Variants in PTPRZ1 observed in about 807,000 individuals in gnomAD.
PTPRZ1 encodes protein tyrosine phosphatase receptor type Z1, also known as receptor-type tyrosine-protein phosphatase zeta.
In PTPRZ1, 82 loss-of-function variants were observed where a neutral mutation model predicts 214.1. The ratio of observed to expected loss-of-function variants is 0.38; its 90% CI spans 0.32 to 0.46. PTPRZ1 has a LOEUF of 0.46. Among genes scored for constraint, PTPRZ1 ranks in the 20% least tolerant of loss-of-function variants. The pLI, the probability that PTPRZ1 is intolerant of heterozygous loss-of-function variation, is 1.00. For missense variants in PTPRZ1, 2,603 were observed against 2,748.7 expected (o/e 0.95, Z 1.19); for synonymous variants, 945 against 987.9 (o/e 0.96, Z 0.81).
chr7:121,900,934 CT>C (rs770435890), intron 1 of PTPRZ1, among the ~76,000 whole-genome samples: 10 of 152,102 alleles, frequency 6.6e-5, no homozygotes, highest in Non-Finnish European at 1.3e-4. Context: ...CATAACAACC[CT>C]GTAAGACTTA....
chr7:121,998,800 C>T (rs920164651), intron 10 of PTPRZ1, among the ~76,000 whole-genome samples: 13 of 152,076 alleles, frequency 8.5e-5, no homozygotes, highest in East Asian at 3.9e-4. Flanking sequence ...TAAATACATA[C>T]GTAAATATAT....
chr7:121,932,420 T>C (rs960448134), intron 2 of PTPRZ1, among the ~76,000 whole-genome samples: 3 of 152,206 alleles, frequency 2.0e-5, no homozygotes, highest in African/African-American at 4.8e-5. Context: ...GTTAGTCTTA[T>C]CATTCTTAAA....
rs770249518 is a variant in PTPRZ1, at chr7:121,996,373, T to C, written c.929-9T>C. 14 of 1,580,446 alleles carry C rather than the reference T, an allele frequency of 8.9e-6. No homozygotes were observed. Among genetic ancestry groups the C allele is most frequent in the Non-Finnish European group, 1.2e-5 (14 of 1,162,572 alleles). ...TTCTATCAACAACTGTACTTTTTTC[T>C]CTCTGAAGTTTGTAGTTCAGAACCA... On this transcript the variant is annotated splice_polypyrimidine_tract_variant and intron_variant, in intron 8 of 29. Transcript: ENST00000393386.
At chr7:121,977,977 C>A (rs1314962604) in intron 6 of PTPRZ1, among the ~76,000 whole-genome samples, 9 of 152,276 alleles carry the variant, frequency 5.9e-5, no homozygotes, top group Admixed American at 5.9e-4. Flanking sequence ...GGGTTGTTAA[C>A]CCTGACTTGT....
chr7:121,914,177 A>C (rs1214414080), intron 1 of PTPRZ1, among the ~76,000 whole-genome samples: 1 of 152,140 alleles, frequency 6.6e-6, no homozygotes, highest in Non-Finnish European at 1.5e-5. Context: ...AAGAAACAGA[A>C]ACCAGACATT....
At chr7:121,982,456 T>C (rs1392910298) in intron 6 of PTPRZ1, among the ~76,000 whole-genome samples, 1 of 152,204 alleles carries the variant, frequency 6.6e-6, no homozygotes, top group Non-Finnish European at 1.5e-5. Flanking sequence ...ATTGAATCTA[T>C]GAATCAATTT....
At position 121,887,305 on chromosome 7, in the gene PTPRZ1, A is replaced by G. The variant is rs74430749; in HGVS notation, c.58+13748A>G. 7.7e-3 allele frequency among the ~76,000 whole-genome samples: 1,169 copies of G among 152,234 alleles called. 11 individuals are homozygous for G. Among genetic ancestry groups the G allele is most frequent in the South Asian group, 0.032 (153 of 4,826 alleles). On this transcript the variant is annotated intron_variant, in intron 1 of 29. Transcript: ENST00000393386. ...AAAGTGATCACTTGAAAAATAGAAA[A>G]TACAATCATTTCTGCCTAATCAAAT...
intron 6 of PTPRZ1, among the ~76,000 whole-genome samples, chr7:121,977,712 T>A (rs12112181): frequency 0.016 from 2,461 of 151,010 alleles, 82 homozygotes; most frequent in African/African-American, 0.056. Context: ...AGCTTTTATT[T>A]TTTTTTTTTT....
At position 122,038,875 on chromosome 7, in the gene PTPRZ1, G is replaced by T. The variant is rs150233853; in HGVS notation, c.5488G>T (p.Val1830Leu). The T allele has an allele frequency of 6.2e-7, 1 of 1,613,792 alleles. No individual in the cohort carries two copies. Residue 1830 changes from valine to leucine, a missense_variant, in exon 19 of 30, where the codon GTG (valine) becomes TTG (leucine). Coordinates refer to ENST00000393386, the MANE Select transcript of PTPRZ1 (RefSeq NM_002851.3). ...VEVIVMITNL[V>L]EKGRRKCDQY... ...AGTTATTGTCATGATAACAAACCTC[G>T]TGGAGAAAGGAAGGGTATGTAGATA...
chr7:122,013,775 G>C lies in PTPRZ1; in HGVS notation c.4729G>C (p.Asp1577His), dbSNP rs746159968. 3 of 1,614,128 alleles carry C rather than the reference G, an allele frequency of 1.9e-6. 1 individual carries two copies. The South Asian group carries it at 3.3e-5, about 18-fold the overall frequency. Residue 1577 changes from aspartate to histidine, a missense_variant, in exon 12 of 30, where the codon GAT (aspartate) becomes CAT (histidine). Asp to His is a moderately conservative substitution (Grantham distance 81). Around this residue, in one of 6 missense-constraint regions of PTPRZ1, gnomAD observed 1,913 missense variants for 1,914.3 expected, o/e 1.00. Coordinates refer to ENST00000393386, the MANE Select transcript of PTPRZ1 (RefSeq NM_002851.3). ...CAGTTTTGCAGACACTAATGAAAAA[G>C]ATGCTGATGGGATCCTGGCAGCAGG... is the stretch of plus-strand genomic sequence containing the variant. ...DFSFADTNEK[D>H]ADGILAAGDS...
chr7:122,060,970 T>C, intron 29 of PTPRZ1, 110 bp from the exon 30 acceptor site: 1 of 1,043,910 alleles, frequency 9.6e-7, no homozygotes, highest in Non-Finnish European at 1.3e-6. Context: ...CCTTAACACA[T>C]TGCCCTTTCA....
intron 2 of PTPRZ1, among the ~76,000 whole-genome samples, chr7:121,942,885 TG>T (rs1796270123): frequency 6.6e-6 from 1 of 152,254 alleles, no homozygotes; most frequent in South Asian, 2.1e-4. Context: ...AGCTAGCAGC[TG>T]TTGGCCAGAT....
rs142160725 is a variant in PTPRZ1, at chr7:121,888,678, T to C, written c.58+15121T>C. ...GGTGATTTAAGAAATTATTTTGAAA[T>C]GTTTGTTTTAATATGCCAGGACAAA... is the stretch of plus-strand genomic sequence containing the variant. On this transcript the variant is annotated intron_variant, in intron 1 of 29. Transcript: ENST00000393386. Among the ~76,000 whole-genome samples the C allele has an allele frequency of 4.2e-3, 636 of 152,284 alleles. 3 individuals are homozygous for C. The highest frequency in any genetic ancestry group is 5.9e-3 in the Non-Finnish European group (402 of 68,008).
chr7:121,953,436 T>C (rs1262786565), intron 2 of PTPRZ1, among the ~76,000 whole-genome samples: 1 of 152,238 alleles, frequency 6.6e-6, no homozygotes, highest in Non-Finnish European at 1.5e-5. Context: ...ACAATGCAGA[T>C]GATCTCTGGT....
Position 121,873,186 on chromosome 7 carries a change from A to T in PTPRZ1, c.-314A>T, listed in dbSNP as rs919065685. The stretch of plus-strand genomic sequence containing the variant: ...AGACCGCGGCCGCCGCAGCCGGCGA[A>T]AGAGGCAAAGTCCCGCACGCCGGAG... On this transcript the variant is annotated 5_prime_UTR_variant, in exon 1 of 30. Coordinates refer to ENST00000393386, the MANE Select transcript of PTPRZ1 (RefSeq NM_002851.3). 8 of 410,850 alleles carry T rather than the reference A, an allele frequency of 1.9e-5. No homozygotes were observed. The highest frequency in any genetic ancestry group is 3.4e-5 in the Non-Finnish European group (8 of 233,722). The allele number at this position is 410,850 out of a possible 1,614,324, so 25.5% of individuals were successfully genotyped here. A position where few individuals can be genotyped will look rare whatever the true frequency, so the allele number is the denominator to read the frequency against.
chr7:122,005,773 A>G (rs1386629357), intron 11 of PTPRZ1, among the ~76,000 whole-genome samples: 1 of 151,962 alleles, frequency 6.6e-6, no homozygotes, highest in African/African-American at 2.4e-5. Context: ...TTTTTCAGTA[A>G]TTGGTGCCAT....
chr7:121,931,770 G>C (rs937638503), intron 2 of PTPRZ1, among the ~76,000 whole-genome samples: 15 of 152,168 alleles, frequency 9.9e-5, no homozygotes, highest in Non-Finnish European at 1.9e-4. Flanking sequence ...GAGTGGCTAG[G>C]CTTTGACAGA....
intron 2 of PTPRZ1, among the ~76,000 whole-genome samples, chr7:121,958,820 T>G (rs1483657802): frequency 6.6e-6 from 1 of 152,038 alleles, no homozygotes. Flanking sequence ...TGACATCTTT[T>G]GTTGTTGTTG....
chr7:122,044,647 C>A, intron 23 of PTPRZ1, 79 bp downstream of exon 23: 2 of 1,456,588 alleles, frequency 1.4e-6, no homozygotes, highest in South Asian at 2.5e-5. Flanking sequence ...TTGACAGGGT[C>A]ACGTTGAGTG....
Sources: gnomAD v4.1 joint callset for allele counts (sites outside exome capture counted in the v4.1 genomes callset) on GRCh38, gnomAD v4.1.1 for gene constraint, gnomAD v4.1.1 regional missense constraint, MANE v1.5 for transcripts, NCBI Gene and HGNC (gene_info 2026-07-23, HGNC 2026-07-21) for gene names.